ABCC4: variants seen among roughly 807,000 people sequenced by gnomAD.
ABCC4 encodes ATP binding cassette subfamily C member 4 (PEL blood group), also known as ATP-binding cassette sub-family C member 4.
In ABCC4, 102 loss-of-function variants were observed where a neutral mutation model predicts 168.5. The ratio of observed to expected loss-of-function variants is 0.61; its 90% CI spans 0.52 to 0.71. The LOEUF is 0.71. Among genes scored for constraint, ABCC4 ranks in the 30% least tolerant of loss-of-function variants. The pLI, the probability that ABCC4 is intolerant of heterozygous loss-of-function variation, is 0.00. For missense variants in ABCC4, 1,402 were observed against 1,605.8 expected (o/e 0.87, Z 2.17); for synonymous variants, 617 against 590.7 (o/e 1.04, Z -0.65).
chr13:95,157,924 T>C (rs1458119299), intron 19 of ABCC4, among the ~76,000 whole-genome samples: 7 of 151,494 alleles, frequency 4.6e-5, no homozygotes, highest in African/African-American at 1.7e-4. Context: ...TACAAAAAAT[T>C]AGCCGGGCGT....
At position 95,178,033 on chromosome 13, in the gene ABCC4, A is replaced by C; in HGVS notation, c.1604T>G (p.Leu535Arg). 6.2e-7 allele frequency: 1 copy of C among 1,614,222 alleles called. No homozygotes were observed. Residue 535 changes from leucine (L) to arginine (R), a missense_variant, in exon 12 of 31, where the codon CTG becomes CGG. By Grantham distance (102) the Leu-to-Arg change is moderately radical (BLOSUM62 -2). This residue lies in a region of ABCC4 where 1,007 missense variants were observed against 1,127.3 expected (regional missense o/e 0.89). Coordinates refer to ENST00000645237, the MANE Select transcript of ABCC4 (RefSeq NM_005845.5). ...LTVIGDRGTT[L>R]SGGQKARVNL... ...TACCCGTGCTTTCTGCCCTCCACTC[A>C]GCGTGGTTCCCCGATCTCCTATCAC...
At chr13:95,032,029 A>G (rs2031899722) in intron 30 of ABCC4, among the ~76,000 whole-genome samples, 1 of 152,184 alleles carries the variant, frequency 6.6e-6, no homozygotes. Context: ...GGGAATCCCA[A>G]ATGATTGATC....
chr13:95,242,866 T>C (rs965889010), intron 3 of ABCC4, among the ~76,000 whole-genome samples: 35 of 152,080 alleles, frequency 2.3e-4, no homozygotes, highest in African/African-American at 8.2e-4. Flanking sequence ...TTTTCACTGC[T>C]AGAAGGAAAA....
intron 26 of ABCC4, among the ~76,000 whole-genome samples, chr13:95,060,229 T>C (rs1248500891): frequency 1.3e-5 from 2 of 152,178 alleles, no homozygotes; most frequent in African/African-American, 2.4e-5. Context: ...CTTAGCAGTG[T>C]TTTGTAAGCA....
intron 1 of ABCC4, among the ~76,000 whole-genome samples, chr13:95,294,381 C>A (rs917272642): frequency 5.4e-4 from 82 of 151,878 alleles, no homozygotes; most frequent in African/African-American, 1.9e-3. Flanking sequence ...AAACAAGAAA[C>A]CAAGACCATG....
rs534539325 is a variant in ABCC4, at chr13:95,279,372, CTG to C, written c.74+21867_74+21868del. Among the ~76,000 whole-genome samples the C allele has an allele frequency of 2.6e-3, 392 of 152,350 alleles. 1 individual carries two copies. The highest frequency in any genetic ancestry group is 4.1e-3 in the Non-Finnish European group (277 of 68,032). On this transcript the variant is annotated intron_variant, in intron 1 of 30. Transcript: ENST00000645237. ...TTGCTTTGAGCATCAAATTTAACCT[CTG>C]TGCACCTCAATTTCTTCAGCTGGAG...
intron 3 of ABCC4, among the ~76,000 whole-genome samples, chr13:95,244,661 G>T (rs1228248749): frequency 0.032 from 590 of 18,726 alleles, 156 homozygotes; most frequent in African/African-American, 0.056. Flanking sequence ...AAGAAAGAAA[G>T]AAAGAAAGAA....
At chr13:95,231,253 C>T (rs940494999) in intron 4 of ABCC4, among the ~76,000 whole-genome samples, 9 of 152,144 alleles carry the variant, frequency 5.9e-5, no homozygotes, top group Non-Finnish European at 1.0e-4. Flanking sequence ...CGAACTACTA[C>T]TGTACACTTA....
intron 1 of ABCC4, among the ~76,000 whole-genome samples, chr13:95,293,314 T>C (rs1029516161): frequency 4.0e-5 from 6 of 151,486 alleles, no homozygotes; most frequent in African/African-American, 1.5e-4. Flanking sequence ...GCCGAGATCA[T>C]GCCACTGCAC....
intron 19 of ABCC4, among the ~76,000 whole-genome samples, chr13:95,152,667 G>A (rs191548834): frequency 1.6e-3 from 240 of 152,136 alleles, no homozygotes; most frequent in Non-Finnish European, 2.9e-3. Flanking sequence ...CAACCTCAGC[G>A]TTGTAAATAT....
intron 1 of ABCC4, among the ~76,000 whole-genome samples, chr13:95,251,863 A>G (rs2040272191): frequency 6.6e-6 from 1 of 152,210 alleles, no homozygotes; most frequent in Admixed American, 6.5e-5. Context: ...TGAGTTACCC[A>G]CAGTTGACTG....
intron 30 of ABCC4, among the ~76,000 whole-genome samples, chr13:95,021,987 G>A (rs2031113110): frequency 6.6e-6 from 1 of 152,124 alleles, no homozygotes; most frequent in Non-Finnish European, 1.5e-5. Flanking sequence ...CTCAAAACCT[G>A]GAGATAAATT....
intron 19 of ABCC4, among the ~76,000 whole-genome samples, chr13:95,159,643 C>T (rs2037022767): frequency 6.6e-6 from 1 of 152,218 alleles, no homozygotes; most frequent in South Asian, 2.1e-4. Context: ...TTCAAATTAA[C>T]TGGCAAAGTG....
At chr13:95,278,121 G>C (rs2041017493) in intron 1 of ABCC4, among the ~76,000 whole-genome samples, 1 of 148,000 alleles carries the variant, frequency 6.8e-6, no homozygotes, top group African/African-American at 2.5e-5. Flanking sequence ...ACAGGTTACA[G>C]GTTATTTCTG....
chr13:95,288,946 A>G (rs898753961), intron 1 of ABCC4, among the ~76,000 whole-genome samples: 3 of 152,336 alleles, frequency 2.0e-5, no homozygotes, highest in Admixed American at 1.3e-4. Context: ...TGTAAATGCC[A>G]CATTTGAGCT....
At chr13:95,071,629 A>C in intron 25 of ABCC4, 33 bp downstream of exon 25, 1 of 1,395,928 alleles carries the variant, frequency 7.2e-7, no homozygotes, top group Non-Finnish European at 9.4e-7. Flanking sequence ...AAATCTTCTG[A>C]AATTGAGAAG....
intron 20 of ABCC4, among the ~76,000 whole-genome samples, chr13:95,110,985 GA>G (rs35464540): frequency 0.63 from 78,004 of 123,130 alleles, 22,536 homozygotes; most frequent in South Asian, 0.73. Flanking sequence ...AAAAAAGAAA[GA>G]AAAAAAAAAA....
At chr13:95,072,612 T>C (rs1566392472) in intron 24 of ABCC4, among the ~76,000 whole-genome samples, 1 of 152,244 alleles carries the variant, frequency 6.6e-6, no homozygotes, top group Non-Finnish European at 1.5e-5. Context: ...TTTATTGCTT[T>C]TCTCTCTTTA....
chr13:95,041,052 A>C (rs994183264), intron 29 of ABCC4, among the ~76,000 whole-genome samples: 1 of 152,242 alleles, frequency 6.6e-6, no homozygotes, highest in Non-Finnish European at 1.5e-5. Context: ...ACAGGTCACA[A>C]GTAACCAGCT....
Sources: allele counts gnomAD v4.1 joint callset (sites outside exome capture counted in the v4.1 genomes callset), GRCh38; gene constraint gnomAD v4.1.1; regional missense constraint gnomAD v4.1.1; transcripts MANE v1.5; gene names NCBI Gene and HGNC (gene_info 2026-07-23, HGNC 2026-07-21).